SPG7: variants seen among roughly 807,000 people sequenced by gnomAD.
The protein encoded by SPG7 is mitochondrial inner membrane m-AAA protease component paraplegin.
A neutral mutation model predicts 81.9 loss-of-function variants in SPG7; 103 were observed. That is an observed-to-expected ratio of 1.26 (90% CI 1.07 to 1.48). SPG7 has a LOEUF of 1.48. Ranked by LOEUF, SPG7 falls within the 40% of genes most tolerant of loss-of-function variation. The pLI is 0.00. For synonymous variants in SPG7, 534 were observed against 444.2 expected (o/e 1.20, Z -2.54); for missense variants, 1,241 against 1,087.3 (o/e 1.14, Z -1.99).
intron 11 of SPG7, chr16:89,547,594 CTTTG>C: frequency 3.6e-6 from 1 of 276,578 alleles, no homozygotes. Context: ...TCTTTTCCCT[CTTTG>C]TTCTTCCTTT....
chr16:89,536,989 G>A, intron 9 of SPG7: 3 of 1,613,596 alleles, frequency 1.9e-6, no homozygotes, highest in Non-Finnish European at 1.7e-6. Context: ...TAACCTCTCT[G>A]TGCCATCATA....
At chr16:89,537,469 C>G (rs2058441123) in intron 9 of SPG7, 1 of 1,008,644 alleles carries the variant, frequency 9.9e-7, no homozygotes, top group East Asian at 9.7e-5. Flanking sequence ...GTGGTGGAAG[C>G]AAGACGACGG....
intron 10 of SPG7, chr16:89,545,895 C>T: frequency 6.7e-6 from 3 of 445,652 alleles, no homozygotes; most frequent in Non-Finnish European, 9.0e-6. Flanking sequence ...CGCTGTCACC[C>T]AGGCTGGAGT....
At chr16:89,546,995 CTG>C in intron 11 of SPG7, 1 of 521,178 alleles carries the variant, frequency 1.9e-6, no homozygotes, top group Non-Finnish European at 3.5e-6. Flanking sequence ...GGTTCCCGGT[CTG>C]TGTTGTTTCC....
chr16:89,519,364 A>C (rs2058152460), intron 3 of SPG7: 1 of 151,812 alleles, frequency 6.6e-6, no homozygotes, highest in South Asian at 2.1e-4. Context: ...AACTAGAAAA[A>C]AAGCAGTTGC....
At chr16:89,509,081 C>A (rs879259906) in intron 1 of SPG7, 2 of 408,284 alleles carry the variant, frequency 4.9e-6, no homozygotes, top group Non-Finnish European at 1.0e-5. Flanking sequence ...TAGCTCGGCA[C>A]GTTATTGATA....
intron 9 of SPG7, chr16:89,533,303 G>C (rs531751316): frequency 6.6e-6 from 1 of 152,328 alleles, no homozygotes; most frequent in Non-Finnish European, 1.5e-5. Context: ...GAGTAGCTGA[G>C]ACTACAGGCG....
At chr16:89,550,709 T>C (rs1376629644) in intron 13 of SPG7, 100 bp downstream of exon 13, 10 of 785,216 alleles carry the variant, frequency 1.3e-5, no homozygotes, top group Non-Finnish European at 2.2e-5. Context: ...CCTGTGTCTG[T>C]AGCTGACTGG....
intron 4 of SPG7, among the ~76,000 whole-genome samples, chr16:89,526,031 T>G (rs532177307): frequency 2.6e-5 from 4 of 152,352 alleles, no homozygotes; most frequent in African/African-American, 9.6e-5. Context: ...TTTTTAGACT[T>G]GGAAGTACAG....
intron 9 of SPG7, among the ~76,000 whole-genome samples, chr16:89,535,421 C>T (rs1469524096): frequency 6.6e-6 from 1 of 152,200 alleles, no homozygotes; most frequent in African/African-American, 2.4e-5. Flanking sequence ...CGACAGTGTG[C>T]AGGACGCAAC....
At chr16:89,521,953 G>C (rs759596163) in intron 3 of SPG7, 7 of 152,048 alleles carry the variant, frequency 4.6e-5, no homozygotes, top group Non-Finnish European at 1.0e-4. Context: ...GGCCCTCCAG[G>C]GCAGCTAGAG....
At chr16:89,537,188 C>T in intron 9 of SPG7, 1 of 1,434,706 alleles carries the variant, frequency 7.0e-7, no homozygotes, top group Non-Finnish European at 9.1e-7. Flanking sequence ...AGGGCCGACG[C>T]TGTGCCGGTC....
intron 13 of SPG7, chr16:89,551,361 G>C (rs2058632659): frequency 6.4e-6 from 1 of 157,200 alleles, no homozygotes. Context: ...TGTCAGTGCT[G>C]GTCTCCGTGA....
Position 89,531,884 on chromosome 16 carries a change from C to T in SPG7, c.988-20C>T. Reference sequence around the variant, plus strand: ...CGGAATCCCCAAGTAGTTAGTGTTGCATTGTCTGCTGCCGTCCAGAGCCCA... The same window carrying T: ...CGGAATCCCCAAGTAGTTAGTGTTGTATTGTCTGCTGCCGTCCAGAGCCCA... On this transcript the variant is annotated intron_variant, in intron 7 of 16. Transcript: ENST00000645818. 6.2e-7 allele frequency: 1 copy of T among 1,613,904 alleles called. No homozygotes were observed. Among genetic ancestry groups the T allele is most frequent in the Non-Finnish European group, 8.5e-7 (1 of 1,179,820 alleles).
At chr16:89,534,354 A>T (rs1299327017) in intron 9 of SPG7, among the ~76,000 whole-genome samples, 1 of 152,226 alleles carries the variant, frequency 6.6e-6, no homozygotes, top group Non-Finnish European at 1.5e-5. Flanking sequence ...TTTGAGGCTG[A>T]ACGATGCTGC....
chr16:89,526,493 C>T, intron 5 of SPG7, 25 bp downstream of exon 5: 5 of 1,613,776 alleles, frequency 3.1e-6, no homozygotes, highest in Non-Finnish European at 4.2e-6. Context: ...TTTGTTGATG[C>T]TTGAACTAAA....
rs868719500 is a variant in SPG7 at position 89,530,582 on chromosome 16, C to G, written c.862-101C>G. 10 of 1,340,150 alleles carry G rather than the reference C, an allele frequency of 7.5e-6. No homozygotes were observed. In the South Asian group the frequency reaches 1.2e-4, roughly 16 times the overall value. 83.0% of individuals were successfully genotyped at this position (1,340,150 alleles called of 1,614,324 possible). ...AAGCCTTGGGATCCTAGGATGGAGA[C>G]GTGGGGTTGGGGCGGCTCAGGTGCG... On this transcript the variant is annotated intron_variant, in intron 6 of 16. Coordinates refer to ENST00000645818, the MANE Select transcript of SPG7 (RefSeq NM_003119.4).
At chr16:89,556,663 T>C in intron 16 of SPG7, 2 of 563,644 alleles carry the variant, frequency 3.5e-6, no homozygotes, top group Non-Finnish European at 6.4e-6. Context: ...TGAATAGAAG[T>C]AGAAAAATTA....
chr16:89,512,420 A>T (rs919165896), intron 2 of SPG7, among the ~76,000 whole-genome samples: 1 of 150,226 alleles, frequency 6.7e-6, no homozygotes, highest in Non-Finnish European at 1.5e-5. Flanking sequence ...GGTTCAAGCA[A>T]TTCTGCCTCA....
Sources: allele counts gnomAD v4.1 joint callset (sites outside exome capture counted in the v4.1 genomes callset), GRCh38; gene constraint gnomAD v4.1.1; transcripts MANE v1.5; gene names NCBI Gene and HGNC (gene_info 2026-07-23, HGNC 2026-07-21).